HS2ST1: variants seen among roughly 807,000 people sequenced by gnomAD.
The protein encoded by HS2ST1 is 2-O-sulfotransferase.
Under a neutral mutation model 42.9 loss-of-function variants are expected in HS2ST1, and 18 were observed. The ratio of observed to expected loss-of-function variants is 0.42; its 90% CI spans 0.29 to 0.62. The LOEUF is 0.62. Ranked by LOEUF, HS2ST1 falls within the 20% of genes least tolerant of loss-of-function variation. The probability of loss-of-function intolerance (pLI) is 0.21; values close to 1 mark genes in which losing one functional copy is unlikely to be tolerated. For synonymous variants in HS2ST1, 146 were observed against 152.9 expected, an observed-to-expected ratio of 0.95 and a Z score of 0.33; for missense variants, 334 against 433.8, an observed-to-expected ratio of 0.77 and a Z score of 2.04.
In HS2ST1 at chr1:87,101,476, C is replaced by CTT. The variant is rs544226667; in HGVS notation, c.687-1955_687-1954insTT. Among the ~76,000 whole-genome samples, 182 of 152,118 alleles carry CTT rather than the reference C, an allele frequency of 1.2e-3. 1 individual carries two copies. Among genetic ancestry groups the CTT allele is most frequent in the African/African-American group, 4.1e-3 (171 of 41,500 alleles). On this transcript the variant is annotated intron_variant, in intron 5 of 6. Coordinates refer to ENST00000370550, the MANE Select transcript of HS2ST1 (RefSeq NM_012262.4). ...CCACCGCACCCGACCAGTCATCACT[C>CTT]TAAGTTCAAACTTCCATAGATCTCT...
At chr1:87,102,201 G>A (rs1257544397) in intron 5 of HS2ST1, among the ~76,000 whole-genome samples, 1 of 152,074 alleles carries the variant, frequency 6.6e-6, no homozygotes, top group African/African-American at 2.4e-5. Context: ...TGGGAATATA[G>A]GCATGCACCA....
At chr1:86,982,747 C>A (rs11161918) in intron 1 of HS2ST1, among the ~76,000 whole-genome samples, 1 of 151,942 alleles carries the variant, frequency 6.6e-6, no homozygotes, top group Non-Finnish European at 1.5e-5. Context: ...ATCTCCTGAC[C>A]TCGTGATCCT....
At chr1:86,917,428 A>C (rs1168130190) in intron 1 of HS2ST1, among the ~76,000 whole-genome samples, 1 of 152,086 alleles carries the variant, frequency 6.6e-6, no homozygotes, top group Non-Finnish European at 1.5e-5. Context: ...CTAAGGCATG[A>C]GAACCGCTTG....
At chr1:87,068,265 T>C (rs1651304803) in intron 1 of HS2ST1, among the ~76,000 whole-genome samples, 1 of 152,346 alleles carries the variant, frequency 6.6e-6, no homozygotes, top group Non-Finnish European at 1.5e-5. Flanking sequence ...TAGTTCTCCT[T>C]GACGAGGTCC....
intron 1 of HS2ST1, among the ~76,000 whole-genome samples, chr1:86,926,644 A>G (rs1557482040): frequency 6.6e-6 from 1 of 152,192 alleles, no homozygotes; most frequent in Non-Finnish European, 1.5e-5. Context: ...CTAGGGGTAG[A>G]AACTGGGTGA....
chr1:87,096,237 A>G (rs1208060262), intron 4 of HS2ST1, among the ~76,000 whole-genome samples: 9 of 152,328 alleles, frequency 5.9e-5, no homozygotes, highest in African/African-American at 1.9e-4. Context: ...ATCTGAAACC[A>G]TAGCAGTGAA....
chr1:86,921,498 G>A (rs1660298694), intron 1 of HS2ST1, among the ~76,000 whole-genome samples: 1 of 152,126 alleles, frequency 6.6e-6, no homozygotes, highest in South Asian at 2.1e-4. Context: ...AATCTCCGAT[G>A]CAACAGTATT....
At chr1:86,975,823 A>C (rs1648383910) in intron 1 of HS2ST1, among the ~76,000 whole-genome samples, 1 of 152,222 alleles carries the variant, frequency 6.6e-6, no homozygotes, top group African/African-American at 2.4e-5. Context: ...TGGTTATACA[A>C]CTGTGAGAGC....
At chr1:86,952,837 C>A (rs758895707) in intron 1 of HS2ST1, among the ~76,000 whole-genome samples, 1 of 151,912 alleles carries the variant, frequency 6.6e-6, no homozygotes, top group Non-Finnish European at 1.5e-5. Context: ...TAGCATAATT[C>A]TTAAAGGCCC....
At chr1:86,940,728 C>T (rs1340921285) in intron 1 of HS2ST1, among the ~76,000 whole-genome samples, 1 of 152,168 alleles carries the variant, frequency 6.6e-6, no homozygotes, top group African/African-American at 2.4e-5. Flanking sequence ...CAGTGGCTTA[C>T]ACCTGTAATC....
chr1:87,029,762 A>C (rs1418627762), intron 1 of HS2ST1, among the ~76,000 whole-genome samples: 2 of 152,204 alleles, frequency 1.3e-5, no homozygotes, highest in Non-Finnish European at 2.9e-5. Flanking sequence ...GGACAGGAGG[A>C]TGATGGTAGG....
At chr1:86,918,491 C>A (rs1395369942) in intron 1 of HS2ST1, among the ~76,000 whole-genome samples, 2 of 151,524 alleles carry the variant, frequency 1.3e-5, no homozygotes, top group Non-Finnish European at 2.9e-5. Context: ...TGTATATATA[C>A]ATATATATAT....
At chr1:86,976,704 G>GTGTATATATATATATATATATA (rs1553134337) in intron 1 of HS2ST1, among the ~76,000 whole-genome samples, 9 of 79,658 alleles carry the variant, frequency 1.1e-4, no homozygotes, top group Non-Finnish European at 2.4e-4. Flanking sequence ...TTATAAAATT[G>GTGTATATATATATATATATATA]TATATATATA....
In HS2ST1 at chr1:86,915,281, A is replaced by C. The variant is rs994604610; in HGVS notation, c.124+121A>C. On this transcript the variant is annotated intron_variant, in intron 1 of 6. Coordinates refer to ENST00000370550, the MANE Select transcript of HS2ST1 (RefSeq NM_012262.4). ...GCTCGGGGGCTGAAAGCGGTTTCAA[A>C]GAGAACCGGGAACAAGGGGCAGCGA... 6 of 1,153,402 alleles carry C rather than the reference A, an allele frequency of 5.2e-6. No homozygotes were observed. In the African/African-American group the frequency reaches 9.4e-5, roughly 18 times the overall value. 71.4% of individuals were successfully genotyped at this position (1,153,402 alleles called of 1,614,324 possible).
At chr1:87,091,578 A>G (rs190568479) in intron 3 of HS2ST1, among the ~76,000 whole-genome samples, 1 of 152,150 alleles carries the variant, frequency 6.6e-6, no homozygotes, top group Admixed American at 6.6e-5. Context: ...TGAATGTTAG[A>G]AAACTATATT....
intron 1 of HS2ST1, among the ~76,000 whole-genome samples, chr1:87,048,449 G>T (rs535305035): frequency 3.9e-4 from 59 of 152,242 alleles, no homozygotes; most frequent in African/African-American, 1.3e-3. Context: ...GATGAGGGTG[G>T]ACATCCTTGC....
intron 1 of HS2ST1, among the ~76,000 whole-genome samples, chr1:86,936,063 T>C (rs978732649): frequency 6.7e-6 from 1 of 149,408 alleles, no homozygotes; most frequent in African/African-American, 2.5e-5. Flanking sequence ...TTGCTATTAT[T>C]ATTGCAATGG....
intron 1 of HS2ST1, among the ~76,000 whole-genome samples, chr1:87,041,958 C>G (rs1650534566): frequency 6.6e-6 from 1 of 152,096 alleles, no homozygotes; most frequent in African/African-American, 2.4e-5. Context: ...AAAAATTAAA[C>G]ACAGAACTAC....
chr1:87,039,525 G>A lies in HS2ST1; in HGVS notation c.125-33409G>A, dbSNP rs1290410846. On this transcript the variant is annotated intron_variant, in intron 1 of 6. Coordinates refer to ENST00000370550, the MANE Select transcript of HS2ST1 (RefSeq NM_012262.4). ...ACATCCATCTCTGAATGCAGAAGAGGTTGAAGTATAACAACCTTATTCATT... is the reference window on the plus strand; with the variant it reads ...ACATCCATCTCTGAATGCAGAAGAGATTGAAGTATAACAACCTTATTCATT... Among the ~76,000 whole-genome samples, 4 of 152,208 alleles carry A rather than the reference G, an allele frequency of 2.6e-5. No homozygotes were observed. In the South Asian group the frequency reaches 6.2e-4, roughly 24 times the overall value.
Sources: gnomAD v4.1 joint callset for allele counts (sites outside exome capture counted in the v4.1 genomes callset) on GRCh38, gnomAD v4.1.1 for gene constraint, MANE v1.5 for transcripts, NCBI Gene and HGNC (gene_info 2026-07-23, HGNC 2026-07-21) for gene names.